The following PRKG1 variants were observed in gnomAD, a reference collection of about 807,000 sequenced individuals.
The protein encoded by PRKG1 is protein kinase cGMP-dependent 1.
In PRKG1, 35 loss-of-function variants were observed where a neutral mutation model predicts 88.1. The observed-to-expected ratio is 0.40, with a 90% CI of 0.30 to 0.53. The LOEUF is 0.53. PRKG1 is among the 20% of genes least tolerant of loss of function. The pLI is 0.59. For missense variants in PRKG1, 540 were observed against 839.8 expected (o/e 0.64, Z 4.41); for synonymous variants, 303 against 292.5 (o/e 1.04, Z -0.37).
At position 51,962,724 on chromosome 10, in the gene PRKG1, G is replaced by A. The variant is rs1037775959; in HGVS notation, c.762+55154G>A. ...TTGACTGTAAAACAAAGTGCACAGG[G>A]GAATGTGGTCTAGGCACATGTAGCT... On this transcript the variant is annotated intron_variant, in intron 5 of 17. Coordinates refer to ENST00000373980, the MANE Select transcript of PRKG1 (RefSeq NM_006258.4). Among the ~76,000 whole-genome samples the A allele has an allele frequency of 7.2e-5, 11 of 152,150 alleles. 1 individual carries two copies. In the East Asian group the frequency reaches 2.1e-3, roughly 29 times the overall value.
chr10:51,203,411 A>G (rs545306402), intron 2 of PRKG1, among the ~76,000 whole-genome samples: 2 of 152,154 alleles, frequency 1.3e-5, no homozygotes, highest in South Asian at 2.1e-4. Context: ...CTTGCTCTAC[A>G]TGGTTTGATG....
intron 4 of PRKG1, among the ~76,000 whole-genome samples, chr10:51,886,644 C>A (rs1841577255): frequency 6.6e-6 from 1 of 152,162 alleles, no homozygotes. Context: ...AGTATTTATC[C>A]TTCTGCATCT....
At chr10:51,489,566 G>T (rs1427593309) in intron 3 of PRKG1, among the ~76,000 whole-genome samples, 2 of 152,140 alleles carry the variant, frequency 1.3e-5, no homozygotes, top group Non-Finnish European at 2.9e-5. Context: ...ACTAAAGTTG[G>T]AAAACCACTG....
At chr10:51,932,448 A>G (rs1307101636) in intron 5 of PRKG1, among the ~76,000 whole-genome samples, 1 of 152,188 alleles carries the variant, frequency 6.6e-6, no homozygotes, top group Non-Finnish European at 1.5e-5. Flanking sequence ...TCTATGAAGT[A>G]AGTGGTACTA....
chr10:51,363,947 A>G (rs1220328993), intron 2 of PRKG1, among the ~76,000 whole-genome samples: 2 of 152,008 alleles, frequency 1.3e-5, no homozygotes, highest in African/African-American at 2.4e-5. Context: ...TTCTGTACAA[A>G]TGGAAATTTG....
At chr10:52,130,610 A>G (rs1409496697) in intron 7 of PRKG1, among the ~76,000 whole-genome samples, 1 of 152,182 alleles carries the variant, frequency 6.6e-6, no homozygotes, top group Non-Finnish European at 1.5e-5. Flanking sequence ...TAGTTTGTTT[A>G]TTATTGTTAT....
intron 1 of PRKG1, among the ~76,000 whole-genome samples, chr10:51,075,426 G>T (rs1843923990): frequency 6.6e-6 from 1 of 152,200 alleles, no homozygotes; most frequent in African/African-American, 2.4e-5. Context: ...CATCATCAAA[G>T]TGTGAAACAT....
chr10:52,111,824 TG>T (rs1283978843), intron 7 of PRKG1, among the ~76,000 whole-genome samples: 2 of 152,236 alleles, frequency 1.3e-5, no homozygotes, highest in Non-Finnish European at 2.9e-5. Context: ...GTTACTTCTT[TG>T]GGCTCTGTTT....
In PRKG1 at chr10:52,251,585, G is replaced by C. The variant is rs373675576; in HGVS notation, c.1092G>C (p.Ala364=). 2 of 1,613,292 alleles carry C rather than the reference G, an allele frequency of 1.2e-6. No individual in the cohort carries two copies. The highest frequency in any genetic ancestry group is 3.3e-5 in the Admixed American group (2 of 59,946). ...AEAKAKYEAE[A]AFFANLKLSD... is the part of the protein sequence containing the mutation. ...AAAAATCCAGATATGAAGCTGAAGC[G>C]GCTTTCTTCGCCAACCTGAAGCTGT... The change falls in exon 10 of 18, where the codon GCG becomes GCC. Residue 364 remains alanine, a synonymous_variant. Transcript: ENST00000373980.
intron 3 of PRKG1, among the ~76,000 whole-genome samples, chr10:51,778,734 A>T (rs761519436): frequency 1.3e-5 from 2 of 152,122 alleles, no homozygotes; most frequent in Non-Finnish European, 2.9e-5. Flanking sequence ...AGTAGATATG[A>T]TATTTACCTG....
chr10:51,718,388 CGG>C (rs948227399), intron 3 of PRKG1, among the ~76,000 whole-genome samples: 2 of 151,928 alleles, frequency 1.3e-5, no homozygotes, highest in Admixed American at 1.3e-4. Flanking sequence ...TACTGTGGGC[CGG>C]GGAAGGCGAG....
At chr10:51,827,072 C>T (rs540622300) in intron 4 of PRKG1, among the ~76,000 whole-genome samples, 1 of 152,244 alleles carries the variant, frequency 6.6e-6, no homozygotes, top group Admixed American at 6.5e-5. Flanking sequence ...TGCTTATAAA[C>T]ATTAAGGGTA....
At chr10:51,187,933 C>G (rs1048619234) in intron 2 of PRKG1, among the ~76,000 whole-genome samples, 6 of 152,014 alleles carry the variant, frequency 3.9e-5, no homozygotes, top group African/African-American at 1.4e-4. Flanking sequence ...AAAAGTTACT[C>G]TGCTGATAGG....
chr10:51,208,596 GGGGA>G (rs1838128851), intron 2 of PRKG1, among the ~76,000 whole-genome samples: 1 of 152,130 alleles, frequency 6.6e-6, no homozygotes, highest in Admixed American at 6.6e-5. Flanking sequence ...ATAATGGGAA[GGGGA>G]CTTCAAAATG....
At chr10:51,088,149 T>A (rs1201234069) in intron 1 of PRKG1, among the ~76,000 whole-genome samples, 1 of 152,216 alleles carries the variant, frequency 6.6e-6, no homozygotes, top group Non-Finnish European at 1.5e-5. Flanking sequence ...TTCCTCATCT[T>A]GTACTTGAGT....
chr10:51,400,429 A>C (rs1837705836), intron 2 of PRKG1, among the ~76,000 whole-genome samples: 1 of 152,126 alleles, frequency 6.6e-6, no homozygotes, highest in Non-Finnish European at 1.5e-5. Context: ...CAGATAATGG[A>C]GAGATGGAGT....
chr10:52,021,265 T>C (rs1163741973), intron 5 of PRKG1, among the ~76,000 whole-genome samples: 1 of 152,012 alleles, frequency 6.6e-6, no homozygotes, highest in African/African-American at 2.4e-5. Flanking sequence ...GGCAGCCATG[T>C]ATGATATGTT....
chr10:52,140,760 G>A (rs1837557699), intron 8 of PRKG1, among the ~76,000 whole-genome samples: 1 of 152,006 alleles, frequency 6.6e-6, no homozygotes. Flanking sequence ...ACCCTTGCAG[G>A]CACCACTCTA....
chr10:51,145,866 A>G (rs1180951546), intron 1 of PRKG1, among the ~76,000 whole-genome samples: 1 of 152,140 alleles, frequency 6.6e-6, no homozygotes, highest in Non-Finnish European at 1.5e-5. Context: ...GTTTTAGAGA[A>G]AACTCCATAC....
Sources: allele counts gnomAD v4.1 joint callset (sites outside exome capture counted in the v4.1 genomes callset), GRCh38; gene constraint gnomAD v4.1.1; transcripts MANE v1.5; gene names NCBI Gene and HGNC (gene_info 2026-07-23, HGNC 2026-07-21).